The following CDHR2 variants were observed in gnomAD, a reference collection of about 807,000 sequenced individuals.
The protein encoded by CDHR2 is cadherin-related family member 2.
A neutral mutation model predicts 138.6 loss-of-function variants in CDHR2; 104 were observed. The observed-to-expected ratio is 0.75, with a 90% CI of 0.64 to 0.88. CDHR2 has a LOEUF of 0.88. Among genes scored for constraint, CDHR2 ranks in the 40% least tolerant of loss-of-function variants. The pLI is 0.00. For synonymous variants in CDHR2, 755 were observed against 742.8 expected (o/e 1.02, Z -0.27); for missense variants, 1,624 against 1,727.6 (o/e 0.94, Z 1.06).
intron 4 of CDHR2, 53 bp from the exon 5 acceptor site, chr5:176,568,907 T>G: frequency 6.2e-7 from 1 of 1,612,224 alleles, no homozygotes. Flanking sequence ...GCACCCCCTG[T>G]GCTCCCACCC....
intron 30 of CDHR2, among the ~76,000 whole-genome samples, chr5:176,592,437 A>G (rs1329156915): frequency 7.9e-5 from 7 of 88,424 alleles, no homozygotes; most frequent in African/African-American, 2.5e-4. Flanking sequence ...GATGGTGGTG[A>G]TGATGGATGA....
chr5:176,565,612 C>A, intron 2 of CDHR2, 60 bp from the exon 3 acceptor site: 1 of 1,472,732 alleles, frequency 6.8e-7, no homozygotes. Context: ...CCCAGGGGAG[C>A]AGGTAGGGAT....
In CDHR2 at chr5:176,576,120, G is replaced by C; in HGVS notation, c.1129G>C (p.Asp377His). 6.2e-7 allele frequency: 1 copy of C among 1,614,094 alleles called. No homozygotes were observed. Among genetic ancestry groups the C allele is most frequent in the Non-Finnish European group, 8.5e-7 (1 of 1,180,036 alleles). Residue 377 changes from aspartate to histidine, a missense_variant, in exon 12 of 32, where the codon GAC (aspartate) becomes CAC (histidine). Around this residue, in one of 3 missense-constraint regions of CDHR2, gnomAD observed 1,061 missense variants for 1,136.6 expected, o/e 0.93. Transcript: ENST00000261944. This position sits in a 1 kb window ranked among gnomAD's most constrained non-coding sequence, Gnocchi z 4.5. Reference protein sequence around the residue: ...EAQVNFTGYVDEHASPRIPID... With the variant: ...EAQVNFTGYVHEHASPRIPID... ...CCAAGTGAACTTCACTGGCTACGTG[G>C]ACGAGCATGCCTCCCCCCGCATCCC...
intron 6 of CDHR2, among the ~76,000 whole-genome samples, chr5:176,571,955 T>C (rs1343353096): frequency 6.6e-6 from 1 of 152,064 alleles, no homozygotes; most frequent in African/African-American, 2.4e-5. Flanking sequence ...TTTGAAATCA[T>C]ATCTTCAGGC....
At chr5:176,588,430 T>C (rs1758729564) in intron 21 of CDHR2, among the ~76,000 whole-genome samples, 1 of 113,408 alleles carries the variant, frequency 8.8e-6, no homozygotes, top group East Asian at 2.4e-4. Flanking sequence ...AGTGTGTGTG[T>C]CAGGATAAGT....
chr5:176,567,025 G>A (rs1251653723), intron 3 of CDHR2: 1 of 456,272 alleles, frequency 2.2e-6, no homozygotes, highest in Non-Finnish European at 4.4e-6. Context: ...TACAAAACCT[G>A]TGCAAGCAAT....
intron 2 of CDHR2, 51 bp from the exon 3 acceptor site, chr5:176,565,621 A>T: frequency 6.5e-7 from 1 of 1,528,984 alleles, no homozygotes; most frequent in Non-Finnish European, 9.0e-7. Context: ...GCAGGTAGGG[A>T]TCGGGTTTTG....
intron 1 of CDHR2, among the ~76,000 whole-genome samples, chr5:176,559,817 C>T (rs1158957168): frequency 6.6e-6 from 1 of 152,148 alleles, no homozygotes; most frequent in South Asian, 2.1e-4. Context: ...TCAGGAGACA[C>T]CTGGCAATGT....
At chr5:176,571,717 T>G (rs1460499293) in intron 6 of CDHR2, among the ~76,000 whole-genome samples, 1 of 152,048 alleles carries the variant, frequency 6.6e-6, no homozygotes, top group African/African-American at 2.4e-5. Context: ...TTTGCATTTT[T>G]AGTAGAGACG....
chr5:176,566,105 T>C (rs972206343), intron 3 of CDHR2, among the ~76,000 whole-genome samples: 49 of 152,112 alleles, frequency 3.2e-4, no homozygotes, highest in Non-Finnish European at 5.4e-4. Context: ...CTTTTTTTTT[T>C]TTTAAAGGGA....
chr5:176,552,371 G>A (rs1757725497), intron 1 of CDHR2, among the ~76,000 whole-genome samples: 1 of 152,246 alleles, frequency 6.6e-6, no homozygotes, highest in Non-Finnish European at 1.5e-5. Flanking sequence ...AATGGAGGAA[G>A]GACAATGCAG....
chr5:176,579,962 G>A (rs1758487225), intron 16 of CDHR2, among the ~76,000 whole-genome samples: 1 of 152,214 alleles, frequency 6.6e-6, no homozygotes, highest in Non-Finnish European at 1.5e-5. Context: ...CTGGCCTGGA[G>A]TCAGGCAGGG....
At chr5:176,557,897 A>G (rs140416115) in intron 1 of CDHR2, among the ~76,000 whole-genome samples, 2,335 of 150,190 alleles carry the variant, frequency 0.016, 52 homozygotes, top group African/African-American at 0.054. Context: ...TAGTAGACAC[A>G]GGGTTTTGCC....
chr5:176,576,005 G>T lies in CDHR2; in HGVS notation c.1014G>T (p.Trp338Cys). 1 of 1,613,768 alleles carries T rather than the reference G, an allele frequency of 6.2e-7. No individual in the cohort carries two copies. Among genetic ancestry groups the T allele is most frequent in the East Asian group, 2.2e-5 (1 of 44,810 alleles). ...GGCAGGAGGCCAAGGTGAGCATCTG[G>T]GTGACAGTGAGAGTGATGGACGTCA... The part of the protein sequence containing the change: ...IYGQEAKVSI[W>C]VTVRVMDVND... The change falls in exon 12 of 32, where the codon TGG becomes TGT. Residue 338 changes from tryptophan (W) to cysteine (C), a missense_variant. Trp to Cys is a radical substitution (Grantham distance 215, BLOSUM62 -2). Transcript: ENST00000261944. This position sits in a 1 kb window ranked among gnomAD's most constrained non-coding sequence, Gnocchi z 4.5.
intron 28 of CDHR2, 97 bp from the exon 29 acceptor site, chr5:176,591,113 A>ATTTTACACAAGAT (rs1758831369): frequency 5.1e-6 from 4 of 791,172 alleles, no homozygotes; most frequent in Non-Finnish European, 8.6e-6. Flanking sequence ...GCTAACACTC[A>ATTTTACACAAGAT]CCTCCCGGGA....
At position 176,579,145 on chromosome 5, in the gene CDHR2, G is replaced by A. The variant is rs185276196; in HGVS notation, c.1818+537G>A. On this transcript the variant is annotated intron_variant, in intron 16 of 31. Coordinates refer to ENST00000261944, the MANE Select transcript of CDHR2 (RefSeq NM_017675.6). ...CCACTAGTGACTCCAGAGAAACACC[G>A]GGGAGTAGCTTCCTCCCTCGTCCTG... is the stretch of plus-strand genomic sequence containing the variant. Among the ~76,000 whole-genome samples, 18 of 152,300 alleles carry A rather than the reference G, an allele frequency of 1.2e-4. No individual in the cohort carries two copies. The East Asian group carries it at 2.5e-3, about 21-fold the overall frequency.
chr5:176,576,658 C>A lies in CDHR2; in HGVS notation c.1194+473C>A, dbSNP rs1758390123. ...ATGGCCCAATCTTGGCCCACTGCAA[C>A]CTCTGCCTCCCAGGTGGAAGGGATT... On this transcript the variant is annotated intron_variant, in intron 12 of 31. Transcript: ENST00000261944. The surrounding 1 kb of genome is among the most constrained non-coding windows in gnomAD (Gnocchi z 4.5). Among the ~76,000 whole-genome samples, 1 of 151,642 alleles carries A rather than the reference C, an allele frequency of 6.6e-6. No homozygotes were observed. The highest frequency in any genetic ancestry group is 2.4e-5 in the African/African-American group (1 of 41,240).
upstream of CDHR2, among the ~76,000 whole-genome samples, chr5:176,546,467 T>C (rs1439993661): frequency 6.6e-6 from 1 of 152,064 alleles, no homozygotes; most frequent in Non-Finnish European, 1.5e-5. Context: ...ATGGGTGACT[T>C]CATTACATCC....
chr5:176,575,636 C>A (rs573333919), intron 10 of CDHR2, 55 bp downstream of exon 10: 1 of 1,601,352 alleles, frequency 6.2e-7, no homozygotes, highest in Admixed American at 1.7e-5. Context: ...GTGGGGTCTC[C>A]GTCAGAGTCC....
Sources: gnomAD v4.1 joint callset for allele counts (sites outside exome capture counted in the v4.1 genomes callset) on GRCh38, gnomAD v4.1.1 for gene constraint, gnomAD v4.1.1 regional missense constraint, Gnocchi (gnomAD v3.1) non-coding constraint, MANE v1.5 for transcripts, NCBI Gene and HGNC (gene_info 2026-07-23, HGNC 2026-07-21) for gene names.